TNRC6B: variants seen among roughly 807,000 people sequenced by gnomAD.
The protein encoded by TNRC6B is trinucleotide repeat-containing gene 6B protein.
A neutral mutation model predicts 203.6 loss-of-function variants in TNRC6B; 52 were observed. The observed-to-expected ratio is 0.26, with a 90% CI of 0.20 to 0.32. The LOEUF (loss-of-function observed/expected upper bound fraction) is 0.32, where lower values mean the gene tolerates loss of function less well. Ranked by LOEUF, TNRC6B falls within the 10% of genes least tolerant of loss-of-function variation. TNRC6B has a pLI of 1.00. For synonymous variants in TNRC6B, 838 were observed against 845.7 expected (o/e 0.99, Z 0.16); for missense variants, 1,923 against 2,286.2 (o/e 0.84, Z 3.24).
Position 40,266,822 on chromosome 22 carries a change from T to C in TNRC6B, c.2592T>C (p.Pro864=), listed in dbSNP as rs1473854002. The change falls in exon 5 of 23, where the codon CCT becomes CCC. Residue 864 remains proline, a synonymous_variant. Transcript: ENST00000454349. The stretch of plus-strand genomic sequence containing the variant: ...CCAGCTGGAGCAGCGGGCCACAGCC[T>C]GCAACACCTAAGGATGAGGAACCCA... ...SNSSWSSGPQ[P]ATPKDEEPSG... The C allele has an allele frequency of 3.1e-6, 5 of 1,613,778 alleles. No homozygotes were observed. Among genetic ancestry groups the C allele is most frequent in the Non-Finnish European group, 4.2e-6 (5 of 1,179,838 alleles).
At chr22:40,322,517 T>C (rs2071347307) in intron 22 of TNRC6B, among the ~76,000 whole-genome samples, 1 of 152,242 alleles carries the variant, frequency 6.6e-6, no homozygotes, top group Non-Finnish European at 1.5e-5. Flanking sequence ...ACACACGTTT[T>C]TCTTGATAGC....
chr22:40,259,722 G>T (rs1373386186), intron 3 of TNRC6B, among the ~76,000 whole-genome samples: 1 of 152,128 alleles, frequency 6.6e-6, no homozygotes, highest in Non-Finnish European at 1.5e-5. Context: ...TCCAGTAGTG[G>T]CATAGATTGG....
At chr22:40,274,987 A>G (rs1424608722) in intron 7 of TNRC6B, among the ~76,000 whole-genome samples, 2 of 152,246 alleles carry the variant, frequency 1.3e-5, no homozygotes, top group Non-Finnish European at 2.9e-5. Flanking sequence ...AACGGTTCAC[A>G]GCTAATATTC....
intron 3 of TNRC6B, among the ~76,000 whole-genome samples, chr22:40,145,493 G>A (rs1047035470): frequency 6.6e-6 from 1 of 152,098 alleles, no homozygotes; most frequent in African/African-American, 2.4e-5. Context: ...GGGTGTGGTT[G>A]GAGATATTTA....
intron 1 of TNRC6B, among the ~76,000 whole-genome samples, chr22:40,112,866 T>G (rs936112555): frequency 6.6e-6 from 1 of 152,132 alleles, no homozygotes; most frequent in African/African-American, 2.4e-5. Flanking sequence ...CGCCTATAAT[T>G]CCAGCACTTT....
chr22:40,189,199 C>G (rs577016442), intron 1 of TNRC6B, among the ~76,000 whole-genome samples: 3 of 152,116 alleles, frequency 2.0e-5, no homozygotes, highest in Non-Finnish European at 4.4e-5. Context: ...CCGAATTGGC[C>G]ATCCATACTG....
At chr22:40,251,099 T>C (rs897399678) in intron 2 of TNRC6B, 80 bp from the exon 3 acceptor site, 4 of 1,229,792 alleles carry the variant, frequency 3.3e-6, no homozygotes, top group Non-Finnish European at 3.3e-6. Context: ...ATTACTTGAG[T>C]TATCAGACTA....
At chr22:40,313,976 A>G (rs2071222432) in intron 19 of TNRC6B, among the ~76,000 whole-genome samples, 2 of 152,240 alleles carry the variant, frequency 1.3e-5, no homozygotes, top group African/African-American at 4.8e-5. Context: ...ACATCTCAAT[A>G]TTCCGGGTTT....
At chr22:40,253,243 G>A (rs546793220) in intron 3 of TNRC6B, among the ~76,000 whole-genome samples, 6 of 150,312 alleles carry the variant, frequency 4.0e-5, no homozygotes, top group East Asian at 1.9e-4. Flanking sequence ...CACCATGCCC[G>A]GCTAATTTTT....
chr22:40,239,561 T>C (rs1343662621), intron 1 of TNRC6B, among the ~76,000 whole-genome samples: 1 of 152,156 alleles, frequency 6.6e-6, no homozygotes, highest in Non-Finnish European at 1.5e-5. Flanking sequence ...GTGATGGGCA[T>C]TAAAGAGGAT....
Position 40,265,422 on chromosome 22 carries a change from A to T in TNRC6B, c.1192A>T (p.Met398Leu). 1 of 1,614,032 alleles carries T rather than the reference A, an allele frequency of 6.2e-7. No homozygotes were observed. Residue 398 changes from methionine to leucine, a missense_variant, in exon 5 of 23, where the codon ATG (methionine) becomes TTG (leucine). Physicochemically the swap from Met to Leu is conservative, Grantham distance 15. Around this residue, in one of 8 missense-constraint regions of TNRC6B, gnomAD observed 614 missense variants for 587.7 expected, o/e 1.04. Transcript: ENST00000454349. Reference sequence around the variant, plus strand: ...GGAGAATAAGGGAATGCCCTTTGGAATGGGCTTGGGGAACACCTCCAGGAG... The same window carrying T: ...GGAGAATAAGGGAATGCCCTTTGGATTGGGCTTGGGGAACACCTCCAGGAG... ...PMENKGMPFG[M>L]GLGNTSRSTD...
At chr22:40,175,515 T>C (rs1049109098), upstream of TNRC6B, among the ~76,000 whole-genome samples, 1 of 152,206 alleles carries the variant, frequency 6.6e-6, no homozygotes, top group Non-Finnish European at 1.5e-5. Context: ...TATTCTACAC[T>C]GGGGAATGGA....
At chr22:40,235,122 C>T (rs1313290743) in intron 1 of TNRC6B, among the ~76,000 whole-genome samples, 1 of 152,122 alleles carries the variant, frequency 6.6e-6, no homozygotes, top group African/African-American at 2.4e-5. Flanking sequence ...GGTTTTGTGG[C>T]TAGTTATTTT....
chr22:40,270,960 C>T (rs1163622392), intron 6 of TNRC6B, among the ~76,000 whole-genome samples: 1 of 152,186 alleles, frequency 6.6e-6, no homozygotes, highest in Admixed American at 6.5e-5. Flanking sequence ...ATGTGGAACA[C>T]GATCTGTGCT....
At chr22:40,127,273 C>A (rs1179063857) in intron 3 of TNRC6B, among the ~76,000 whole-genome samples, 2 of 152,174 alleles carry the variant, frequency 1.3e-5, no homozygotes, top group East Asian at 3.8e-4. Context: ...ATGATCTAGT[C>A]CGTGGCTTGG....
rs528512106 is a variant in TNRC6B at position 40,139,161 on chromosome 22, C to G, written c.45+13299C>G. On this transcript the variant is annotated intron_variant, in intron 3 of 23. Transcript: ENST00000301923. ...TTCCATCTCTACAGAATCACCTATT[C>G]TGAACATTCCATATAAATAGAATCA... 1.6e-4 allele frequency among the ~76,000 whole-genome samples: 24 copies of G among 151,852 alleles called. No homozygotes were observed. The South Asian group carries it at 2.7e-3, about 17-fold the overall frequency.
chr22:40,266,408 C>T lies in TNRC6B; in HGVS notation c.2178C>T (p.Pro726=), dbSNP rs781124422. Residue 726 remains proline, a synonymous_variant, in exon 5 of 23, where the codon CCC becomes CCT. Transcript: ENST00000454349. ...CACCTTCCTCTTGGAATGAGAATCC[C>T]AGCAAGGATCAGGGGTGGGGAGGTG... ...EKTPSSWNEN[P]SKDQGWGGGR... The T allele has an allele frequency of 3.1e-6, 5 of 1,613,716 alleles. No individual in the cohort carries two copies. Among genetic ancestry groups the T allele is most frequent in the Non-Finnish European group, 3.4e-6 (4 of 1,179,846 alleles).
Position 40,312,903 on chromosome 22 carries a change from G to A in TNRC6B, c.4584G>A (p.Gly1528=), listed in dbSNP as rs201034480. The change falls in exon 19 of 23, where the codon GGG becomes GGA. Residue 1528 remains glycine (G), a splice_region_variant and synonymous_variant. Transcript: ENST00000454349. ...DHQLLRDNTT[G]SNSSLNTSLP... ...TCTTCTTGTTCTTTGTTACCCAAGGGTCTAATTCTTCCCTCAACACCTCGC... is the reference window on the plus strand; with the variant it reads ...TCTTCTTGTTCTTTGTTACCCAAGGATCTAATTCTTCCCTCAACACCTCGC... 5.3e-4 allele frequency: 847 copies of A among 1,612,960 alleles called. 2 individuals carry two copies. The highest frequency in any genetic ancestry group is 6.8e-4 in the Non-Finnish European group (804 of 1,179,456).
At chr22:40,222,819 C>T (rs2069732965) in intron 1 of TNRC6B, among the ~76,000 whole-genome samples, 1 of 131,924 alleles carries the variant, frequency 7.6e-6, no homozygotes, top group Non-Finnish European at 1.5e-5. Flanking sequence ...CAGCTCACTG[C>T]ACCCTTACCT....
Sources: gnomAD v4.1 joint callset for allele counts (sites outside exome capture counted in the v4.1 genomes callset) on GRCh38, gnomAD v4.1.1 for gene constraint, gnomAD v4.1.1 regional missense constraint, MANE v1.5 for transcripts, NCBI Gene and HGNC (gene_info 2026-07-23, HGNC 2026-07-21) for gene names.